Variants in LURAP1L observed in about 807,000 individuals in gnomAD.
LURAP1L encodes the protein leucine rich adaptor protein 1 like.
A neutral mutation model predicts 13.8 loss-of-function variants in LURAP1L; 12 were observed. The observed-to-expected ratio is 0.87, with a 90% confidence interval of 0.56 to 1.41. LURAP1L has a LOEUF of 1.41. Ranked by LOEUF, LURAP1L falls within the 40% of genes most tolerant of loss-of-function variation. LURAP1L has a pLI of 0.00. For missense variants in LURAP1L, 375 were observed against 292.9 expected, an observed-to-expected ratio of 1.28 and a Z score of -2.04; for synonymous variants, 139 against 119.2, an observed-to-expected ratio of 1.17 and a Z score of -1.08.
chr9:12,778,953 A>G (rs1405658821), intron 1 of LURAP1L, among the ~76,000 whole-genome samples: 4 of 152,232 alleles, frequency 2.6e-5, no homozygotes, highest in Non-Finnish European at 4.4e-5. Flanking sequence ...TAGACTGTTT[A>G]GTCCTATGCG....
intron 1 of LURAP1L, among the ~76,000 whole-genome samples, chr9:12,793,090 C>T (rs1198915780): frequency 3.9e-5 from 6 of 151,992 alleles, no homozygotes; most frequent in African/African-American, 1.4e-4. Flanking sequence ...ACCCAGATTG[C>T]ATGTCACCTT....
intron 1 of LURAP1L, chr9:12,777,541 A>G (rs1819206343): frequency 1.0e-6 from 1 of 975,234 alleles, no homozygotes; most frequent in Non-Finnish European, 1.2e-6. Flanking sequence ...ATGTTAATAT[A>G]TTCACTTAAT....
In LURAP1L at chr9:12,822,447, C is replaced by G. The variant is rs1272721517; in HGVS notation, c.*687C>G. On this transcript the variant is annotated 3_prime_UTR_variant, in exon 2 of 2. Transcript: ENST00000319264. ...TTTGTGTAATAAAATGTATTATTCT[C>G]CCAAATTTCAAGGAATAATTGAGAT... Among the ~76,000 whole-genome samples the G allele has an allele frequency of 6.6e-6, 1 of 152,094 alleles. No individual in the cohort carries two copies. The highest frequency in any genetic ancestry group is 1.5e-5 in the Non-Finnish European group (1 of 68,008).
intron 1 of LURAP1L, among the ~76,000 whole-genome samples, chr9:12,795,197 T>G (rs1819496812): frequency 6.6e-6 from 1 of 152,004 alleles, no homozygotes; most frequent in Non-Finnish European, 1.5e-5. Flanking sequence ...GCCTGGATCT[T>G]TCTTCCTGTC....
intron 1 of LURAP1L, among the ~76,000 whole-genome samples, chr9:12,820,547 A>T (rs1056839907): frequency 2.2e-4 from 30 of 139,102 alleles, no homozygotes; most frequent in African/African-American, 7.4e-4. Context: ...CCTAGAAGGC[A>T]CATAAGGGAA....
intron 1 of LURAP1L, among the ~76,000 whole-genome samples, chr9:12,807,413 G>C (rs1819675551): frequency 6.6e-6 from 1 of 152,132 alleles, no homozygotes; most frequent in Admixed American, 6.6e-5. Flanking sequence ...ACCCTTTCCA[G>C]GCAACACAGT....
intron 1 of LURAP1L, among the ~76,000 whole-genome samples, chr9:12,790,317 C>T (rs1156944270): frequency 1.3e-5 from 2 of 152,142 alleles, no homozygotes; most frequent in Non-Finnish European, 2.9e-5. Flanking sequence ...CTAATCAATG[C>T]TTATATGTCC....
chr9:12,800,838 T>C (rs1231757712), intron 1 of LURAP1L, among the ~76,000 whole-genome samples: 2 of 152,090 alleles, frequency 1.3e-5, no homozygotes. Context: ...AATTACCCCG[T>C]CTCAGGTATT....
chr9:12,783,586 T>C (rs1038578972), intron 1 of LURAP1L, among the ~76,000 whole-genome samples: 1 of 152,198 alleles, frequency 6.6e-6, no homozygotes, highest in African/African-American at 2.4e-5. Context: ...TCTTAATGTG[T>C]TGTTGAATTA....
chr9:12,806,381 TC>T (rs1442340844), intron 1 of LURAP1L, among the ~76,000 whole-genome samples: 5 of 151,470 alleles, frequency 3.3e-5, no homozygotes, highest in Non-Finnish European at 7.4e-5. Flanking sequence ...TTTGAGATTA[TC>T]TTTTTTTTTT....
chr9:12,810,174 G>C (rs1819717190), intron 1 of LURAP1L, among the ~76,000 whole-genome samples: 1 of 152,162 alleles, frequency 6.6e-6, no homozygotes, highest in Non-Finnish European at 1.5e-5. Context: ...AGGGGATATT[G>C]AGAACCTGGT....
At chr9:12,792,434 TCTCTC>T (rs1447001230) in intron 1 of LURAP1L, among the ~76,000 whole-genome samples, 2 of 152,288 alleles carry the variant, frequency 1.3e-5, no homozygotes, top group African/African-American at 2.4e-5. Context: ...TGCCACATCT[TCTCTC>T]CTCAGTCCTG....
intron 1 of LURAP1L, among the ~76,000 whole-genome samples, chr9:12,801,853 G>T (rs543855125): frequency 6.4e-4 from 98 of 152,286 alleles, no homozygotes; most frequent in African/African-American, 2.3e-3. Flanking sequence ...AGGAGATCAA[G>T]CCCTCTGAGT....
intron 1 of LURAP1L, among the ~76,000 whole-genome samples, chr9:12,788,614 G>A (rs1819396246): frequency 6.6e-6 from 1 of 152,008 alleles, no homozygotes. Flanking sequence ...AGAAATTTAT[G>A]TAGCTATTAA....
intron 1 of LURAP1L, among the ~76,000 whole-genome samples, chr9:12,785,450 T>C (rs1819337273): frequency 1.3e-5 from 2 of 152,088 alleles, no homozygotes; most frequent in African/African-American, 4.8e-5. Flanking sequence ...ACTTTCCTCC[T>C]TGAAAGGCCT....
In LURAP1L at chr9:12,821,614, A is replaced by C; in HGVS notation, c.541A>C (p.Ser181Arg). The C allele has an allele frequency of 6.2e-7, 1 of 1,614,154 alleles. No homozygotes were observed. The highest frequency in any genetic ancestry group is 1.1e-5 in the South Asian group (1 of 91,078). ...SDGLDGISVGSYLDTLADDVP... is the reference protein window; with the variant it reads ...SDGLDGISVGRYLDTLADDVP... ...TGGGCTGGATGGCATTTCCGTGGGA[A>C]GTTATCTGGACACGTTGGCGGATGA... The change falls in exon 2 of 2, where the codon AGT becomes CGT. Residue 181 changes from serine to arginine, a missense_variant. Ser to Arg is a moderately radical substitution (Grantham distance 110). Coordinates refer to ENST00000319264, the MANE Select transcript of LURAP1L (RefSeq NM_203403.2).
intron 1 of LURAP1L, among the ~76,000 whole-genome samples, chr9:12,809,498 C>T (rs895905717): frequency 2.0e-5 from 3 of 152,142 alleles, no homozygotes; most frequent in African/African-American, 7.2e-5. Context: ...TTTCATCTCT[C>T]TGCTTTTATT....
At position 12,787,776 on chromosome 9, in the gene LURAP1L, T is replaced by C. The variant is rs1819377958; in HGVS notation, c.312+11749T>C. ...CTTCACCGCGTGTGCCTGAAAGTCA[T>C]ACGTTCATAATTTATGATGGAAGCT... On this transcript the variant is annotated intron_variant, in intron 1 of 1. Transcript: ENST00000319264. 2.0e-5 allele frequency among the ~76,000 whole-genome samples: 3 copies of C among 152,130 alleles called. No individual in the cohort carries two copies. The South Asian group carries it at 6.2e-4, about 31-fold the overall frequency.
In LURAP1L at chr9:12,790,439, C is replaced by T. The variant is rs572752997; in HGVS notation, c.312+14412C>T. Among the ~76,000 whole-genome samples the T allele has an allele frequency of 3.3e-5, 5 of 152,194 alleles. No individual in the cohort carries two copies. The East Asian group carries it at 9.6e-4, about 29-fold the overall frequency. On this transcript the variant is annotated intron_variant, in intron 1 of 1. Transcript: ENST00000319264. ...GTTTGGACTACACTAGCAACATTTG[C>T]TTTTTTGTAGTGGATCATAGAAACC...
Sources: gnomAD v4.1 joint callset for allele counts (sites outside exome capture counted in the v4.1 genomes callset) on GRCh38, gnomAD v4.1.1 for gene constraint, MANE v1.5 for transcripts, NCBI Gene and HGNC (gene_info 2026-07-23, HGNC 2026-07-21) for gene names.